Variants in NAT10 observed in about 807,000 individuals in gnomAD.
The protein encoded by NAT10 is RNA cytidine acetyltransferase.
NAT10 carries 109 observed loss-of-function variants against 132.2 expected under a neutral mutation model. The observed-to-expected ratio is 0.82, with a 90% confidence interval of 0.71 to 0.97. The LOEUF (loss-of-function observed/expected upper bound fraction) is 0.97, where lower values mean the gene tolerates loss of function less well. Ranked by LOEUF, NAT10 falls within the 50% of genes least tolerant of loss-of-function variation. The pLI is 0.00. For synonymous variants in NAT10, 479 were observed against 478.0 expected (o/e 1.00, Z -0.03); for missense variants, 1,184 against 1,263.4 (o/e 0.94, Z 0.95).
chr11:34,114,657 G>A (rs1176464760), intron 5 of NAT10, among the ~76,000 whole-genome samples: 1 of 152,098 alleles, frequency 6.6e-6, no homozygotes, highest in Non-Finnish European at 1.5e-5. Context: ...TGCTTCCTCT[G>A]GACCTCTGCC....
Position 34,139,302 on chromosome 11 carries a change from G to C in NAT10, c.2308+15G>C. On this transcript the variant is annotated intron_variant, in intron 22 of 28. Transcript: ENST00000257829. ...CTTCTGGAAAGGTGACTGAGGAGTA[G>C]GGGTTTGGGGGAGACAATGAGGTGA... 1 of 1,613,798 alleles carries C rather than the reference G, an allele frequency of 6.2e-7. No individual in the cohort carries two copies. Among genetic ancestry groups the C allele is most frequent in the Non-Finnish European group, 8.5e-7 (1 of 1,179,684 alleles).
In NAT10 at chr11:34,142,443, A is replaced by G. The variant is rs994008581; in HGVS notation, c.2885+95A>G. 5.6e-6 allele frequency: 6 copies of G among 1,069,870 alleles called. No homozygotes were observed. In the Admixed American group the frequency reaches 1.2e-4, roughly 22 times the overall value. 66.3% of individuals were successfully genotyped at this position (1,069,870 alleles called of 1,614,324 possible). On this transcript the variant is annotated intron_variant, in intron 27 of 28. Transcript: ENST00000257829. ...TCTAATCATATCCCACGTGCCCTGGAAAGTGTCTTTCATGGGATCAGTTTT... is the reference window on the plus strand; with the variant it reads ...TCTAATCATATCCCACGTGCCCTGGGAAGTGTCTTTCATGGGATCAGTTTT...
At chr11:34,139,321 G>A in intron 22 of NAT10, 34 bp downstream of exon 22, 1 of 1,612,752 alleles carries the variant, frequency 6.2e-7, no homozygotes. Context: ...GGGAGACAAT[G>A]AGGTGATTGG....
chr11:34,145,349 T>C lies in NAT10; in HGVS notation c.2970-735T>C, dbSNP rs75035633. On this transcript the variant is annotated intron_variant, in intron 28 of 28. Transcript: ENST00000257829. ...TACTGGTAGCTATCATTAAGTCCTC[T>C]GAGGCCTTTCTTTTTCTTCCTTTGA... 1.6e-3 allele frequency among the ~76,000 whole-genome samples: 242 copies of C among 152,370 alleles called. 6 individuals are homozygous for C. In the East Asian group the frequency reaches 0.044, roughly 27 times the overall value.
intron 13 of NAT10, 107 bp downstream of exon 13, chr11:34,131,044 A>G (rs1852096626): frequency 2.0e-6 from 3 of 1,498,062 alleles, no homozygotes; most frequent in Non-Finnish European, 2.7e-6. Flanking sequence ...CCTTCCCACC[A>G]TCAGGCTGAG....
chr11:34,139,853 G>GT (rs1182294429), intron 23 of NAT10, among the ~76,000 whole-genome samples: 2 of 152,134 alleles, frequency 1.3e-5, no homozygotes, highest in East Asian at 3.8e-4. Flanking sequence ...CTAGCCTTCT[G>GT]TAGCCAACAG....
At chr11:34,131,761 C>G (rs1852110366) in intron 14 of NAT10, among the ~76,000 whole-genome samples, 1 of 149,878 alleles carries the variant, frequency 6.7e-6, no homozygotes, top group South Asian at 2.1e-4. Context: ...TCTCAGCTCA[C>G]TGCAACCTCT....
At chr11:34,107,235 T>G (rs117850996) in intron 1 of NAT10, 2,354 of 152,270 alleles carry the variant, frequency 0.015, 31 homozygotes, top group South Asian at 0.042. Flanking sequence ...CTTGAATTCC[T>G]GACCTCAGGT....
At chr11:34,137,095 C>T (rs1449955332) in intron 21 of NAT10, 69 bp downstream of exon 21, 2 of 1,552,950 alleles carry the variant, frequency 1.3e-6, no homozygotes, top group East Asian at 4.5e-5. Flanking sequence ...CCTGTCCTTG[C>T]AAAGAGCCCT....
chr11:34,141,542 T>C (rs192770618), intron 25 of NAT10, among the ~76,000 whole-genome samples, 177 bp from the exon 26 acceptor site: 1 of 152,276 alleles, frequency 6.6e-6, no homozygotes, highest in East Asian at 1.9e-4. Flanking sequence ...ATTTGGTACA[T>C]ATCCAGTCTG....
rs1852280580 is a variant in NAT10, at chr11:34,139,381, A to G, written c.2309-4A>G. The G allele has an allele frequency of 6.2e-7, 1 of 1,613,846 alleles. No individual in the cohort carries two copies. The highest frequency in any genetic ancestry group is 8.5e-7 in the Non-Finnish European group (1 of 1,179,774). On this transcript the variant is annotated splice_polypyrimidine_tract_variant and splice_region_variant and intron_variant, in intron 22 of 28. Coordinates refer to ENST00000257829, the MANE Select transcript of NAT10 (RefSeq NM_024662.3). ...CTCTAACTCTGCGTGATGGCACCCC[A>G]CAGATTTCCGACGGCGGTTCCTAGC...
At chr11:34,107,268 A>G (rs1171452434) in intron 1 of NAT10, 2 of 152,134 alleles carry the variant, frequency 1.3e-5, no homozygotes, top group Admixed American at 6.6e-5. Context: ...TCGGCCTCCC[A>G]AAGTGCTGGG....
intron 13 of NAT10, 130 bp from the exon 14 acceptor site, chr11:34,131,251 G>T: frequency 7.6e-7 from 1 of 1,324,188 alleles, no homozygotes; most frequent in Non-Finnish European, 1.0e-6. Context: ...AAACCACCCA[G>T]TTTAAATTCT....
intron 15 of NAT10, among the ~76,000 whole-genome samples, 189 bp downstream of exon 15, chr11:34,132,410 G>GTAA (rs1852122620): frequency 2.0e-5 from 3 of 152,204 alleles, no homozygotes; most frequent in Non-Finnish European, 2.9e-5. Flanking sequence ...ACGGGACAGG[G>GTAA]TGGAAAGCTG....
rs746905450 is a variant in NAT10 at position 34,136,723 on chromosome 11, G to A, written c.2110G>A (p.Glu704Lys). Reference sequence around the variant, plus strand: ...CCTCAAATTGAATGAGAGGCCTGCCGAACGCCTGGATTACCTGGGTGTTTC... The same window carrying A: ...CCTCAAATTGAATGAGAGGCCTGCCAAACGCCTGGATTACCTGGGTGTTTC... ...LLLKLNERPA[E>K]RLDYLGVSYG... Residue 704 changes from glutamate to lysine, a missense_variant, in exon 20 of 29, where the codon GAA (glutamate) becomes AAA (lysine). Transcript: ENST00000257829. The A allele has an allele frequency of 1.2e-6, 2 of 1,614,116 alleles. No homozygotes were observed. The highest frequency in any genetic ancestry group is 1.7e-6 in the Non-Finnish European group (2 of 1,180,018).
At position 34,135,258 on chromosome 11, in the gene NAT10, G is replaced by A; in HGVS notation, c.1995G>A (p.Glu665=). The change falls in exon 19 of 29, where the codon GAG becomes GAA. Residue 665 remains glutamate, a synonymous_variant. Transcript: ENST00000257829. ...RFPCLEEKVL[E]TPQEIHTVSS... The stretch of plus-strand genomic sequence containing the variant: ...CTTGTCTGGAGGAAAAGGTCCTTGA[G>A]ACACCACAGGAAATTCACACCGTAA... 1 of 1,614,136 alleles carries A rather than the reference G, an allele frequency of 6.2e-7. No individual in the cohort carries two copies. The highest frequency in any genetic ancestry group is 1.3e-5 in the African/African-American group (1 of 75,032).
In NAT10 at chr11:34,131,452, C is replaced by G. The variant is rs373766473; in HGVS notation, c.1441C>G (p.Leu481Val). ...CCCTGGGGATGCAGTGGAGAAGTGG[C>G]TGAATGACTTGCTGTGCCTGGATTG... ...YAPGDAVEKW[L>V]NDLLCLDCLN... Residue 481 changes from leucine (L) to valine (V), a missense_variant, in exon 14 of 29, where the codon CTG (leucine) becomes GTG (valine). Transcript: ENST00000257829. The G allele has an allele frequency of 1.2e-6, 2 of 1,614,012 alleles. No individual in the cohort carries two copies. The highest frequency in any genetic ancestry group is 1.7e-6 in the Non-Finnish European group (2 of 1,180,040).
chr11:34,142,306 A>C lies in NAT10; in HGVS notation c.2843A>C (p.His948Pro), dbSNP rs201600938. Reference protein sequence around the residue: ...DEAAKEFQEKHKKEVGKLKSM... With the variant: ...DEAAKEFQEKPKKEVGKLKSM... ...GCAGCAAAGGAATTTCAGGAGAAAC[A>C]CAAGAAGGAAGTAGGGAAGCTGAAG... Residue 948 changes from histidine (H) to proline (P), a missense_variant, in exon 27 of 29, where the codon CAC becomes CCC. Coordinates refer to ENST00000257829, the MANE Select transcript of NAT10 (RefSeq NM_024662.3). 47 of 1,614,180 alleles carry C rather than the reference A, an allele frequency of 2.9e-5. No individual in the cohort carries two copies. Among genetic ancestry groups the C allele is most frequent in the Non-Finnish European group, 2.5e-6 (3 of 1,180,028 alleles).
intron 27 of NAT10, among the ~76,000 whole-genome samples, chr11:34,143,095 A>G (rs1852369240): frequency 6.6e-6 from 1 of 152,158 alleles, no homozygotes; most frequent in South Asian, 2.1e-4. Context: ...GGAGTGAGTG[A>G]GAAGATTGTG....
Sources: gnomAD v4.1 joint callset for allele counts (sites outside exome capture counted in the v4.1 genomes callset) on GRCh38, gnomAD v4.1.1 for gene constraint, MANE v1.5 for transcripts, NCBI Gene and HGNC (gene_info 2026-07-23, HGNC 2026-07-21) for gene names.